CACNA2D1: variants seen among roughly 807,000 people sequenced by gnomAD.
CACNA2D1 encodes the protein calcium voltage-gated channel auxiliary subunit alpha2delta 1.
A neutral mutation model predicts 171.5 loss-of-function variants in CACNA2D1; 53 were observed. The ratio of observed to expected loss-of-function variants is 0.31; its 90% CI spans 0.25 to 0.39. The LOEUF is 0.39. Among genes scored for constraint, CACNA2D1 ranks in the 10% least tolerant of loss-of-function variants. The pLI is 1.00. For synonymous variants in CACNA2D1, 442 were observed against 443.1 expected (o/e 1.00, Z 0.03); for missense variants, 903 against 1,299.8 (o/e 0.69, Z 4.69).
intron 31 of CACNA2D1, among the ~76,000 whole-genome samples, chr7:81,966,281 ATAAT>A (rs1468857634): frequency 6.6e-6 from 1 of 151,668 alleles, no homozygotes; most frequent in Non-Finnish European, 1.5e-5. Flanking sequence ...AATCAATATA[ATAAT>A]TTGTATTGAA....
At position 82,018,470 on chromosome 7, in the gene CACNA2D1, C is replaced by T. The variant is rs946515838; in HGVS notation, c.1144-3991G>A. ...GCATTTTGCAATTTGGGCTGTTTCA[C>T]TATACTTACATCATCATACATTCTT... On this transcript the variant is annotated intron_variant, in intron 12 of 38. Transcript: ENST00000356860. 2.6e-5 allele frequency among the ~76,000 whole-genome samples: 4 copies of T among 152,098 alleles called. No individual in the cohort carries two copies. The South Asian group carries it at 8.3e-4, about 31-fold the overall frequency.
In CACNA2D1 at chr7:82,181,188, T is replaced by C. The variant is rs188220994; in HGVS notation, c.295-10579A>G. Among the ~76,000 whole-genome samples, 750 of 151,410 alleles carry C rather than the reference T, an allele frequency of 5.0e-3. 16 individuals carry two copies. The highest frequency in any genetic ancestry group is 4.3e-3 in the Non-Finnish European group (289 of 67,878). ...GTATTACTGGGTTTGAAACAACTTA[T>C]GTGAGGCCTAGAAATGGATGTCAAG... On this transcript the variant is annotated intron_variant, in intron 3 of 38. Coordinates refer to ENST00000356860, the MANE Select transcript of CACNA2D1 (RefSeq NM_000722.4).
chr7:82,335,074 A>C, intron 3 of CACNA2D1, 61 bp downstream of exon 3: 1 of 1,099,400 alleles, frequency 9.1e-7, no homozygotes, highest in Non-Finnish European at 1.4e-6. Context: ...ATAGAGCATG[A>C]AAATTAAATA....
At chr7:82,322,823 T>TA (rs1375186160) in intron 3 of CACNA2D1, among the ~76,000 whole-genome samples, 1 of 152,092 alleles carries the variant, frequency 6.6e-6, no homozygotes, top group African/African-American at 2.4e-5. Flanking sequence ...CCTGTGTATA[T>TA]AAAAAAGCCA....
chr7:82,061,589 AC>A (rs1474433745), intron 9 of CACNA2D1, among the ~76,000 whole-genome samples: 4 of 152,110 alleles, frequency 2.6e-5, no homozygotes, highest in Non-Finnish European at 5.9e-5. Flanking sequence ...TAACCACCCA[AC>A]AGGTTCTTCC....
intron 4 of CACNA2D1, among the ~76,000 whole-genome samples, chr7:82,165,370 A>G (rs1174797071): frequency 1.3e-5 from 2 of 152,042 alleles, no homozygotes; most frequent in Non-Finnish European, 2.9e-5. Context: ...TTTGGCTTTA[A>G]TAGAAATGGA....
intron 21 of CACNA2D1, among the ~76,000 whole-genome samples, chr7:81,990,318 A>G (rs1797413094): frequency 6.6e-6 from 1 of 152,138 alleles, no homozygotes; most frequent in Admixed American, 6.6e-5. Flanking sequence ...TTTTGAGCTT[A>G]TGTTTTTTCT....
chr7:82,047,352 C>A (rs943758525), intron 10 of CACNA2D1, among the ~76,000 whole-genome samples: 2 of 152,078 alleles, frequency 1.3e-5, no homozygotes, highest in Non-Finnish European at 2.9e-5. Flanking sequence ...GCAGACATGA[C>A]CAATATGTAC....
intron 26 of CACNA2D1, chr7:81,970,974 A>G: frequency 2.0e-6 from 1 of 500,390 alleles, no homozygotes; most frequent in Non-Finnish European, 3.6e-6. Context: ...GTATGAATTG[A>G]CAGCAATGAC....
chr7:82,331,977 TG>T (rs1468081832), intron 3 of CACNA2D1, among the ~76,000 whole-genome samples: 4 of 152,234 alleles, frequency 2.6e-5, no homozygotes, highest in African/African-American at 9.6e-5. Flanking sequence ...TCTCCAAAAT[TG>T]AAGATAATAA....
chr7:82,371,582 T>G (rs888238037), intron 1 of CACNA2D1, among the ~76,000 whole-genome samples: 14 of 151,536 alleles, frequency 9.2e-5, no homozygotes, highest in African/African-American at 3.2e-4. Context: ...TTTTATTTTA[T>G]TATTATTATT....
intron 3 of CACNA2D1, among the ~76,000 whole-genome samples, chr7:82,191,610 C>G (rs1030859014): frequency 6.6e-6 from 1 of 151,592 alleles, no homozygotes. Flanking sequence ...AGAACTTTGA[C>G]TTTACAAATG....
chr7:82,379,711 T>C (rs546529526), intron 1 of CACNA2D1, among the ~76,000 whole-genome samples: 1 of 152,316 alleles, frequency 6.6e-6, no homozygotes, highest in African/African-American at 2.4e-5. Flanking sequence ...TTGTTTTAAC[T>C]ATGGTAAGAA....
chr7:82,384,095 G>C (rs1330627235), intron 1 of CACNA2D1, among the ~76,000 whole-genome samples: 1 of 152,150 alleles, frequency 6.6e-6, no homozygotes, highest in Non-Finnish European at 1.5e-5. Context: ...AGTATATACT[G>C]AAACCTCTCA....
intron 3 of CACNA2D1, among the ~76,000 whole-genome samples, chr7:82,218,531 A>C (rs1050707940): frequency 1.3e-5 from 2 of 152,114 alleles, no homozygotes; most frequent in Non-Finnish European, 2.9e-5. Context: ...CCTTACTATA[A>C]AATAGGAGTG....
At chr7:82,043,907 T>G (rs1021847580) in intron 10 of CACNA2D1, among the ~76,000 whole-genome samples, 1 of 152,218 alleles carries the variant, frequency 6.6e-6, no homozygotes, top group African/African-American at 2.4e-5. Flanking sequence ...TTGAATGGTT[T>G]AGTGCAGTCA....
intron 4 of CACNA2D1, among the ~76,000 whole-genome samples, chr7:82,158,383 C>T (rs7792773): frequency 0.4 from 60,517 of 151,448 alleles, 12,319 homozygotes; most frequent in Middle Eastern, 0.53. Flanking sequence ...AATGTATTGG[C>T]AATGTGTATG....
intron 3 of CACNA2D1, among the ~76,000 whole-genome samples, chr7:82,189,151 T>A (rs1329612663): frequency 6.6e-6 from 1 of 152,140 alleles, no homozygotes; most frequent in South Asian, 2.1e-4. Context: ...AACCTGCACA[T>A]GTACCCTTGA....
intron 3 of CACNA2D1, among the ~76,000 whole-genome samples, chr7:82,321,318 G>T (rs1422265867): frequency 1.3e-5 from 2 of 152,086 alleles, no homozygotes; most frequent in Admixed American, 1.3e-4. Context: ...AGAATAGCTT[G>T]AACCTGGGAG....
Sources: gnomAD v4.1 joint callset for allele counts (sites outside exome capture counted in the v4.1 genomes callset) on GRCh38, gnomAD v4.1.1 for gene constraint, MANE v1.5 for transcripts, NCBI Gene and HGNC (gene_info 2026-07-23, HGNC 2026-07-21) for gene names.